Variants in NAPG observed in about 807,000 individuals in gnomAD.
NAPG encodes gamma-soluble NSF attachment protein.
In NAPG, 25 loss-of-function variants were observed where a neutral mutation model predicts 48.4. The observed-to-expected ratio is 0.52, with a 90% confidence interval of 0.38 to 0.72. NAPG has a LOEUF of 0.72. NAPG is among the 30% of genes least tolerant of loss of function. The pLI is 0.00. For synonymous variants in NAPG, 139 were observed against 127.2 expected, an observed-to-expected ratio of 1.09 and a Z score of -0.62; for missense variants, 359 against 372.5, an observed-to-expected ratio of 0.96 and a Z score of 0.30.
intron 11 of NAPG, 86 bp from the exon 12 acceptor site, chr18:10,549,991 A>G (rs2032352924): frequency 1.5e-6 from 2 of 1,371,488 alleles, no homozygotes; most frequent in Non-Finnish European, 1.9e-6. Flanking sequence ...GAGGGTGGGG[A>G]GCCAGGCTGT....
intron 5 of NAPG, among the ~76,000 whole-genome samples, chr18:10,538,260 G>A (rs1235310838): frequency 2.6e-5 from 4 of 152,296 alleles, no homozygotes; most frequent in East Asian, 3.9e-4. Context: ...CAGCTGGGAC[G>A]TGGAGGGCAT....
chr18:10,549,737 A>G (rs1376284346), intron 11 of NAPG, among the ~76,000 whole-genome samples: 1 of 152,154 alleles, frequency 6.6e-6, no homozygotes, highest in Admixed American at 6.5e-5. Context: ...GAGTATCATC[A>G]TAGTATCAGA....
rs771027079 is a variant in NAPG, at chr18:10,539,719, T to C, written c.259-43T>C. The C allele has an allele frequency of 2.4e-5, 34 of 1,411,464 alleles. No homozygotes were observed. Among genetic ancestry groups the C allele is most frequent in the Non-Finnish European group, 3.1e-5 (31 of 1,006,928 alleles). The allele number at this position is 1,411,464 out of a possible 1,614,324, so 87.4% of individuals were successfully genotyped here. A position where few individuals can be genotyped will look rare whatever the true frequency, so the allele number is the denominator to read the frequency against. On this transcript the variant is annotated intron_variant, in intron 5 of 11. Coordinates refer to ENST00000322897, the MANE Select transcript of NAPG (RefSeq NM_003826.3). This position sits in a 1 kb window ranked among gnomAD's most constrained non-coding sequence, Gnocchi z 4.7. Reference sequence around the variant, plus strand: ...GATTGTTAACTCTGTTTTTCTTTAATTGATGCATTTGCTGACCTGTCTACT... The same window carrying C: ...GATTGTTAACTCTGTTTTTCTTTAACTGATGCATTTGCTGACCTGTCTACT...
At chr18:10,528,252 A>G (rs1308337924) in intron 1 of NAPG, among the ~76,000 whole-genome samples, 1 of 152,160 alleles carries the variant, frequency 6.6e-6, no homozygotes, top group East Asian at 1.9e-4. Flanking sequence ...ATGGACTTTG[A>G]CATATTCAGT....
At chr18:10,535,930 T>TC (rs2032022686) in intron 5 of NAPG, among the ~76,000 whole-genome samples, 1 of 152,212 alleles carries the variant, frequency 6.6e-6, no homozygotes, top group Non-Finnish European at 1.5e-5. Flanking sequence ...CCATAGAGTT[T>TC]CTCTTACGGC....
rs1269719540 is a variant in NAPG, at chr18:10,546,263, CAG to C, written c.507-62_507-61del. ...AATCTATGATGTCAAGTACATTTCA[CAG>C]GGGACCTCTGCTATAGATCATTTAG... On this transcript the variant is annotated intron_variant, in intron 8 of 11. Transcript: ENST00000322897. The surrounding 1 kb of genome is among the most constrained non-coding windows in gnomAD (Gnocchi z 4.0). The C allele has an allele frequency of 2.9e-6, 3 of 1,039,944 alleles. No homozygotes were observed. Among genetic ancestry groups the C allele is most frequent in the Non-Finnish European group, 4.2e-6 (3 of 714,220 alleles). The allele number at this position is 1,039,944 out of a possible 1,614,324, so 64.4% of individuals were successfully genotyped here.
In NAPG at chr18:10,546,636, AG is replaced by A. The variant is rs757681554; in HGVS notation, c.585+233del. On this transcript the variant is annotated intron_variant, in intron 9 of 11. Transcript: ENST00000322897. The surrounding 1 kb of genome is among the most constrained non-coding windows in gnomAD (Gnocchi z 4.0). The stretch of plus-strand genomic sequence containing the variant: ...AAGCAACCACCCTTGAACTCTGAAA[AG>A]TAAATAAAAAGAGACTAAGGAGAGG... Among the ~76,000 whole-genome samples, 7 of 152,210 alleles carry A rather than the reference AG, an allele frequency of 4.6e-5. No individual in the cohort carries two copies. Among genetic ancestry groups the A allele is most frequent in the Non-Finnish European group, 8.8e-5 (6 of 68,044 alleles).
At chr18:10,535,773 A>G (rs2032019463) in intron 5 of NAPG, among the ~76,000 whole-genome samples, 1 of 152,172 alleles carries the variant, frequency 6.6e-6, no homozygotes, top group Admixed American at 6.5e-5. Context: ...AGTAATAATA[A>G]TAATAGGAAA....
chr18:10,534,387 C>CAGTAGTTCCTCACCAGAAAGTTTCTTCT lies in NAPG; in HGVS notation c.228-77_228-50dup, dbSNP rs1449423313. The CAGTAGTTCCTCACCAGAAAGTTTCTTCT allele has an allele frequency of 1.7e-6, 2 of 1,198,302 alleles. No homozygotes were observed. Among genetic ancestry groups the CAGTAGTTCCTCACCAGAAAGTTTCTTCT allele is most frequent in the Non-Finnish European group, 2.5e-6 (2 of 806,752 alleles). 74.2% of individuals were successfully genotyped at this position (1,198,302 alleles called of 1,614,324 possible). On this transcript the variant is annotated intron_variant, in intron 4 of 11. Coordinates refer to ENST00000322897, the MANE Select transcript of NAPG (RefSeq NM_003826.3). The surrounding 1 kb of genome is among the most constrained non-coding windows in gnomAD (Gnocchi z 5.0). ...TTGTAATTGAAGTCACTTTCCTTAC[C>CAGTAGTTCCTCACCAGAAAGTTTCTTCT]AGTAGTTCCTCACCAGAAAGTTTCT...
rs1213667104 is a variant in NAPG, at chr18:10,534,478, A to G, written c.240A>G (p.Gln80=). ...ALFHAAKAYE[Q]AGMMLKEMQK... Reference sequence around the variant, plus strand: ...ATTCTCTTTGCAGAGCTTATGAGCAAGCTGGAATGATGTTGAAGGTCAGTA... The same window carrying G: ...ATTCTCTTTGCAGAGCTTATGAGCAGGCTGGAATGATGTTGAAGGTCAGTA... Residue 80 remains glutamine (Q), a synonymous_variant, in exon 5 of 12, where the codon CAA becomes CAG. Coordinates refer to ENST00000322897, the MANE Select transcript of NAPG (RefSeq NM_003826.3). This position sits in a 1 kb window ranked among gnomAD's most constrained non-coding sequence, Gnocchi z 5.0. The G allele has an allele frequency of 1.2e-6, 2 of 1,613,328 alleles. No homozygotes were observed. The highest frequency in any genetic ancestry group is 2.2e-5 in the East Asian group (1 of 44,770).
chr18:10,537,902 G>A (rs944162718), intron 5 of NAPG, among the ~76,000 whole-genome samples: 5 of 152,152 alleles, frequency 3.3e-5, no homozygotes, highest in East Asian at 1.9e-4. Flanking sequence ...TGGGGTTGGC[G>A]AAAATGAGAC....
intron 2 of NAPG, among the ~76,000 whole-genome samples, chr18:10,531,059 G>A (rs552477361): frequency 6.6e-6 from 1 of 152,302 alleles, no homozygotes; most frequent in African/African-American, 2.4e-5. Context: ...TGACAGCAGG[G>A]ATGGGGCGGG....
rs564470599 is a variant in NAPG at position 10,543,792 on chromosome 18, G to T, written c.507-2534G>T. 6.6e-6 allele frequency among the ~76,000 whole-genome samples: 1 copy of T among 152,308 alleles called. No homozygotes were observed. Among genetic ancestry groups the T allele is most frequent in the African/African-American group, 2.4e-5 (1 of 41,572 alleles). ...GTATTACCTGATGGAAAAGTTGAAA[G>T]CATCTGTGTTTCATTATAATAAGTA... On this transcript the variant is annotated intron_variant, in intron 8 of 11. Transcript: ENST00000322897. This position sits in a 1 kb window ranked among gnomAD's most constrained non-coding sequence, Gnocchi z 4.4.
chr18:10,536,177 G>A (rs1286466138), intron 5 of NAPG, among the ~76,000 whole-genome samples: 1 of 152,152 alleles, frequency 6.6e-6, no homozygotes, highest in African/African-American at 2.4e-5. Context: ...TTTAATTTGA[G>A]GGTTGGAAAG....
chr18:10,526,808 A>G (rs1027946179), intron 1 of NAPG: 4 of 152,274 alleles, frequency 2.6e-5, no homozygotes, highest in African/African-American at 9.7e-5. Context: ...GACTGAACTG[A>G]TAATCCTTAA....
chr18:10,541,640 T>C (rs1325202601), intron 8 of NAPG, among the ~76,000 whole-genome samples: 2 of 152,130 alleles, frequency 1.3e-5, no homozygotes, highest in African/African-American at 2.4e-5. Flanking sequence ...AGTTTTAGCA[T>C]AGTTTACCTC....
Position 10,526,157 on chromosome 18 carries a change from T to A in NAPG, c.55T>A (p.Tyr19Asn), listed in dbSNP as rs377296979. 1 of 1,612,312 alleles carries A rather than the reference T, an allele frequency of 6.2e-7. No individual in the cohort carries two copies. Among genetic ancestry groups the A allele is most frequent in the African/African-American group, 1.3e-5 (1 of 74,530 alleles). The change falls in exon 1 of 12, where the codon TAC becomes AAC. Residue 19 changes from tyrosine (Y) to asparagine (N), a missense_variant and splice_region_variant. By Grantham distance (143) the Tyr-to-Asn change is moderately radical. Coordinates refer to ENST00000322897, the MANE Select transcript of NAPG (RefSeq NM_003826.3). Reference protein sequence around the residue: ...GLEHLAKAEKYLKTGFLKWKP... With the variant: ...GLEHLAKAEKNLKTGFLKWKP... ...GGAACACCTCGCCAAAGCAGAGAAA[T>A]AGTGAGTGAGAACCTTCCGGGGGCC...
At chr18:10,531,045 T>C (rs1567887831) in intron 2 of NAPG, among the ~76,000 whole-genome samples, 1 of 152,206 alleles carries the variant, frequency 6.6e-6, no homozygotes, top group African/African-American at 2.4e-5. Flanking sequence ...GTACCTGCTG[T>C]CTATGACAGC....
rs138392728 is a variant in NAPG at position 10,540,164 on chromosome 18, A to C, written c.435+110A>C. 97 of 1,077,068 alleles carry C rather than the reference A, an allele frequency of 9.0e-5. No homozygotes were observed. The East Asian group carries it at 2.0e-3, about 22-fold the overall frequency. 66.7% of individuals were successfully genotyped at this position (1,077,068 alleles called of 1,614,324 possible). ...ACTTTTAAAACTTTTCCCTGCTCAC[A>C]GTTGCACGCTATTTCTTTTCTGTTA... On this transcript the variant is annotated intron_variant, in intron 7 of 11. Transcript: ENST00000322897.
Sources: allele counts gnomAD v4.1 joint callset (sites outside exome capture counted in the v4.1 genomes callset), GRCh38; gene constraint gnomAD v4.1.1; non-coding constraint Gnocchi (gnomAD v3.1); transcripts MANE v1.5; gene names NCBI Gene and HGNC (gene_info 2026-07-23, HGNC 2026-07-21).